MAP2K5: variants seen among roughly 807,000 people sequenced by gnomAD.
The protein encoded by MAP2K5 is mitogen-activated protein kinase kinase 5.
A neutral mutation model predicts 83.1 loss-of-function variants in MAP2K5; 49 were observed. The observed-to-expected ratio is 0.59, with a 90% CI of 0.47 to 0.75. The LOEUF (loss-of-function observed/expected upper bound fraction) is 0.75, where lower values mean the gene tolerates loss of function less well. Ranked by LOEUF, MAP2K5 falls within the 30% of genes least tolerant of loss-of-function variation. The pLI, the probability that MAP2K5 is intolerant of heterozygous loss-of-function variation, is 0.00. For synonymous variants in MAP2K5, 202 were observed against 191.8 expected, an observed-to-expected ratio of 1.05 and a Z score of -0.44; for missense variants, 457 against 557.5, an observed-to-expected ratio of 0.82 and a Z score of 1.82.
In MAP2K5 at chr15:67,630,484, T is replaced by C. The variant is rs182854990; in HGVS notation, c.546-404T>C. Among the ~76,000 whole-genome samples the C allele has an allele frequency of 1.5e-3, 233 of 151,966 alleles. 2 individuals are homozygous for C. Among genetic ancestry groups the C allele is most frequent in the Non-Finnish European group, 2.6e-3 (179 of 67,972 alleles). ...TGGGAAAAAAAAAGCAAAATGGCTC[T>C]GTACACTGCTTAACATAGAGCTATA... On this transcript the variant is annotated intron_variant, in intron 8 of 21. Coordinates refer to ENST00000178640, the MANE Select transcript of MAP2K5 (RefSeq NM_145160.3).
chr15:67,647,611 C>T (rs2086857311), intron 11 of MAP2K5, among the ~76,000 whole-genome samples: 1 of 151,842 alleles, frequency 6.6e-6, no homozygotes, highest in Non-Finnish European at 1.5e-5. Context: ...TATGGCCGGG[C>T]ACGGTGGCTT....
At position 67,585,799 on chromosome 15, in the gene MAP2K5, T is replaced by A. The variant is rs914831930; in HGVS notation, c.323-91T>A. 3 of 1,062,908 alleles carry A rather than the reference T, an allele frequency of 2.8e-6. No individual in the cohort carries two copies. In the Admixed American group the frequency reaches 5.2e-5, roughly 18 times the overall value. The allele number at this position is 1,062,908 out of a possible 1,614,324, so 65.8% of individuals were successfully genotyped here. A position where few individuals can be genotyped will look rare whatever the true frequency, so the allele number is the denominator to read the frequency against. On this transcript the variant is annotated intron_variant, in intron 4 of 21. Coordinates refer to ENST00000178640, the MANE Select transcript of MAP2K5 (RefSeq NM_145160.3). ...AATCATTTCTCTCTGCTAATTTTGG[T>A]GTCACCCTCATTTCTTTTTAAACGA...
At chr15:67,721,392 G>A (rs1329161936) in intron 16 of MAP2K5, among the ~76,000 whole-genome samples, 5 of 152,110 alleles carry the variant, frequency 3.3e-5, no homozygotes, top group Non-Finnish European at 5.9e-5. Flanking sequence ...ATTGGCACCC[G>A]TTAAGGCGCA....
chr15:67,597,246 A>G (rs1350711995), intron 7 of MAP2K5, among the ~76,000 whole-genome samples: 3 of 152,102 alleles, frequency 2.0e-5, no homozygotes, highest in African/African-American at 7.2e-5. Flanking sequence ...CCTCTTTTCA[A>G]TTTAAAGAGC....
rs1259426840 is a variant in MAP2K5 at position 67,572,794 on chromosome 15, G to A, written c.253-7960G>A. 6.6e-6 allele frequency among the ~76,000 whole-genome samples: 1 copy of A among 151,934 alleles called. No individual in the cohort carries two copies. The highest frequency in any genetic ancestry group is 1.5e-5 in the Non-Finnish European group (1 of 67,994). ...GGCTCACTGCAAACTCACCTCTCGG[G>A]TTCAAGTGATTCTCCTGCCTCAACC... is the stretch of plus-strand genomic sequence containing the variant. On this transcript the variant is annotated intron_variant, in intron 3 of 21. Transcript: ENST00000178640. This position sits in a 1 kb window ranked among gnomAD's most constrained non-coding sequence, Gnocchi z 4.2.
At chr15:67,611,284 T>C (rs2085917849) in intron 8 of MAP2K5, among the ~76,000 whole-genome samples, 1 of 152,074 alleles carries the variant, frequency 6.6e-6, no homozygotes, top group Non-Finnish European at 1.5e-5. Flanking sequence ...TGGGATAAAA[T>C]TATAGAATGA....
At chr15:67,699,366 A>G (rs950592136) in intron 15 of MAP2K5, among the ~76,000 whole-genome samples, 2 of 152,202 alleles carry the variant, frequency 1.3e-5, no homozygotes, top group African/African-American at 4.8e-5. Context: ...GTTCCCTGCT[A>G]GAAGCCTAAA....
chr15:67,606,192 A>G (rs1436347918), intron 8 of MAP2K5, among the ~76,000 whole-genome samples: 1 of 152,230 alleles, frequency 6.6e-6, no homozygotes, highest in Non-Finnish European at 1.5e-5. Context: ...TTTTAGGATT[A>G]AATCATAGTA....
Position 67,562,832 on chromosome 15 carries a change from G to A in MAP2K5, c.185-451G>A, listed in dbSNP as rs1438091359. On this transcript the variant is annotated intron_variant, in intron 2 of 21. Transcript: ENST00000178640. This position sits in a 1 kb window ranked among gnomAD's most constrained non-coding sequence, Gnocchi z 4.1. The stretch of plus-strand genomic sequence containing the variant: ...ATCACAGTGCCTCATGTATTGTAGT[G>A]TTCAGTAAGTGTTAGCCATTTTTAT... 6.6e-6 allele frequency among the ~76,000 whole-genome samples: 1 copy of A among 152,170 alleles called. No individual in the cohort carries two copies. Among genetic ancestry groups the A allele is most frequent in the Non-Finnish European group, 1.5e-5 (1 of 68,032 alleles).
rs774975626 is a variant in MAP2K5 at position 67,563,043 on chromosome 15, T to A, written c.185-240T>A. Among the ~76,000 whole-genome samples, 2 of 152,184 alleles carry A rather than the reference T, an allele frequency of 1.3e-5. No individual in the cohort carries two copies. Among genetic ancestry groups the A allele is most frequent in the Non-Finnish European group, 2.9e-5 (2 of 68,038 alleles). The stretch of plus-strand genomic sequence containing the variant: ...TTATATTTACTTTAACCTAGAGATA[T>A]GTTGTGAATGACATGAGCAATATTT... On this transcript the variant is annotated intron_variant, in intron 2 of 21. Coordinates refer to ENST00000178640, the MANE Select transcript of MAP2K5 (RefSeq NM_145160.3). The surrounding 1 kb of genome is among the most constrained non-coding windows in gnomAD (Gnocchi z 4.5).
chr15:67,709,053 T>C (rs1002760797), intron 16 of MAP2K5, among the ~76,000 whole-genome samples: 2 of 152,350 alleles, frequency 1.3e-5, no homozygotes, highest in South Asian at 4.1e-4. Context: ...GACTGATGTA[T>C]GGCAGTTTGA....
chr15:67,693,158 G>A (rs1309240790), intron 14 of MAP2K5, among the ~76,000 whole-genome samples: 1 of 152,162 alleles, frequency 6.6e-6, no homozygotes, highest in Non-Finnish European at 1.5e-5. Context: ...GTAATGCATG[G>A]GGCTTCATTC....
chr15:67,782,901 A>G lies in MAP2K5; in HGVS notation c.1242+10149A>G, dbSNP rs571029238. Among the ~76,000 whole-genome samples, 12 of 152,324 alleles carry G rather than the reference A, an allele frequency of 7.9e-5. No individual in the cohort carries two copies. In the South Asian group the frequency reaches 2.5e-3, roughly 32 times the overall value. ...TGGGCGCTGTCTCCTTCCTGCCTTC[A>G]GAAACGGCCCCCTTTTCAGCTCTCC... On this transcript the variant is annotated intron_variant, in intron 21 of 21. Coordinates refer to ENST00000178640, the MANE Select transcript of MAP2K5 (RefSeq NM_145160.3). This position sits in a 1 kb window ranked among gnomAD's most constrained non-coding sequence, Gnocchi z 4.9.
At chr15:67,570,095 T>C (rs1402896553) in intron 3 of MAP2K5, among the ~76,000 whole-genome samples, 1 of 152,222 alleles carries the variant, frequency 6.6e-6, no homozygotes, top group Non-Finnish European at 1.5e-5. Flanking sequence ...GGCCTGTTGC[T>C]GAATACAAAT....
chr15:67,659,037 T>A (rs1337159863), intron 12 of MAP2K5: 2 of 247,144 alleles, frequency 8.1e-6, no homozygotes, highest in Admixed American at 5.2e-5. Flanking sequence ...TAGTAAAGAT[T>A]TTTTGCAGTC....
At chr15:67,547,748 C>T (rs890933552) in intron 1 of MAP2K5, among the ~76,000 whole-genome samples, 3 of 152,156 alleles carry the variant, frequency 2.0e-5, no homozygotes, top group African/African-American at 4.8e-5. Flanking sequence ...TGAGCCACTG[C>T]GCCCATCCCG....
chr15:67,666,334 CT>C (rs1278152558), intron 13 of MAP2K5, among the ~76,000 whole-genome samples: 2 of 152,290 alleles, frequency 1.3e-5, no homozygotes, highest in East Asian at 1.9e-4. Flanking sequence ...AGAAATCATG[CT>C]GATAAGTTGA....
At chr15:67,742,641 C>T (rs539302619) in intron 17 of MAP2K5, among the ~76,000 whole-genome samples, 5 of 152,320 alleles carry the variant, frequency 3.3e-5, no homozygotes, top group African/African-American at 1.2e-4. Context: ...CTAAAATCTT[C>T]AAAACTTAGG....
intron 15 of MAP2K5, among the ~76,000 whole-genome samples, chr15:67,694,637 AG>A (rs2088200512): frequency 6.6e-6 from 1 of 152,168 alleles, no homozygotes; most frequent in Non-Finnish European, 1.5e-5. Context: ...GTAGAGAAAT[AG>A]GAACACTTTT....
Sources: allele counts gnomAD v4.1 joint callset (sites outside exome capture counted in the v4.1 genomes callset), GRCh38; gene constraint gnomAD v4.1.1; non-coding constraint Gnocchi (gnomAD v3.1); transcripts MANE v1.5; gene names NCBI Gene and HGNC (gene_info 2026-07-23, HGNC 2026-07-21).